Variants in RIPOR2 observed in about 807,000 individuals in gnomAD.
RIPOR2 encodes the protein rho family-interacting cell polarization regulator 2.
RIPOR2 carries 39 observed loss-of-function variants against 114.5 expected under a neutral mutation model. That is an observed-to-expected ratio of 0.34 (90% CI 0.26 to 0.44). The LOEUF is 0.44. Among genes scored for constraint, RIPOR2 ranks in the 20% least tolerant of loss-of-function variants. RIPOR2 has a pLI of 1.00. For synonymous variants in RIPOR2, 445 were observed against 484.4 expected (o/e 0.92, Z 1.07); for missense variants, 1,007 against 1,255.1 (o/e 0.80, Z 2.99).
At chr6:24,899,834 G>C (rs1768237773) in intron 1 of RIPOR2, among the ~76,000 whole-genome samples, 1 of 152,168 alleles carries the variant, frequency 6.6e-6, no homozygotes, top group African/African-American at 2.4e-5. Context: ...GTTTGCAAGA[G>C]GAAGGAGAAG....
At chr6:25,009,413 C>T (rs551323334) in intron 1 of RIPOR2, among the ~76,000 whole-genome samples, 1 of 152,300 alleles carries the variant, frequency 6.6e-6, no homozygotes, top group African/African-American at 2.4e-5. Flanking sequence ...CCTTAGAAAT[C>T]GTCTTACCAT....
rs1775573162 is a variant in RIPOR2 at position 25,006,624 on chromosome 6, A to T, written c.76+35227T>A. ...CCCCTGTGTCCTCCAGGCACAGGTG[A>T]GTCACTGAGCTGGGAGGTGGCTCTG... On this transcript the variant is annotated intron_variant, in intron 1 of 13. Coordinates refer to the RIPOR2 transcript ENST00000510784. 2.0e-5 allele frequency among the ~76,000 whole-genome samples: 3 copies of T among 152,294 alleles called. 1 individual carries two copies. In the South Asian group the frequency reaches 6.2e-4, roughly 32 times the overall value.
intron 2 of RIPOR2, 101 bp from the exon 3 acceptor site, chr6:24,873,900 G>T: frequency 1.0e-6 from 1 of 986,948 alleles, no homozygotes. Flanking sequence ...TAGAGACAAA[G>T]TCTTCTTCTG....
intron 1 of RIPOR2, among the ~76,000 whole-genome samples, chr6:25,031,736 T>TAGA (rs1776972986): frequency 4.3e-5 from 4 of 92,062 alleles, no homozygotes; most frequent in African/African-American, 8.8e-5. Flanking sequence ...TATATATATA[T>TAGA]ATATATATAT....
chr6:24,847,492 C>A (rs1762429529), intron 12 of RIPOR2: 5 of 1,530,640 alleles, frequency 3.3e-6, no homozygotes, highest in Non-Finnish European at 4.4e-6. Context: ...GTCACACATG[C>A]CACAAGCCCC....
rs1217563659 is a variant in RIPOR2, at chr6:25,037,827, G to C, written c.76+4024C>G. On this transcript the variant is annotated intron_variant, in intron 1 of 13. Transcript: ENST00000510784. This position sits in a 1 kb window ranked among gnomAD's most constrained non-coding sequence, Gnocchi z 4.5. The stretch of plus-strand genomic sequence containing the variant: ...GGTTATTGAGTAGATGAGGTACCAG[G>C]TATTTTACTAAGGGTTACAGGCATG... Among the ~76,000 whole-genome samples, 6 of 152,074 alleles carry C rather than the reference G, an allele frequency of 3.9e-5. No individual in the cohort carries two copies. In the East Asian group the frequency reaches 9.6e-4, roughly 24 times the overall value.
intron 1 of RIPOR2, among the ~76,000 whole-genome samples, chr6:24,959,386 T>C (rs963210688): frequency 1.3e-5 from 2 of 151,982 alleles, no homozygotes; most frequent in African/African-American, 4.8e-5. Context: ...GTGATGTCCA[T>C]GACAGGTCCT....
chr6:24,945,621 G>A (rs1772366360), intron 1 of RIPOR2, among the ~76,000 whole-genome samples: 2 of 152,176 alleles, frequency 1.3e-5, no homozygotes. Flanking sequence ...AGGGGAATGA[G>A]TAGAGTGATA....
At chr6:24,878,677 TG>T (rs1358853132) in intron 1 of RIPOR2, among the ~76,000 whole-genome samples, 3 of 152,148 alleles carry the variant, frequency 2.0e-5, no homozygotes, top group Admixed American at 1.3e-4. Flanking sequence ...CACCTGGGTA[TG>T]GGGAGGGTTG....
intron 4 of RIPOR2, among the ~76,000 whole-genome samples, chr6:24,871,872 C>T (rs6918387): frequency 1.3e-5 from 2 of 152,238 alleles, no homozygotes; most frequent in East Asian, 1.9e-4. Flanking sequence ...GATGGTCAAG[C>T]GCATTCACCA....
rs937357624 is a variant in RIPOR2 at position 24,941,076 on chromosome 6, C to T, written c.77-65259G>A. Among the ~76,000 whole-genome samples, 4 of 152,130 alleles carry T rather than the reference C, an allele frequency of 2.6e-5. No individual in the cohort carries two copies. In the East Asian group the frequency reaches 5.8e-4, roughly 22 times the overall value. On this transcript the variant is annotated intron_variant, in intron 1 of 13. Transcript: ENST00000510784. ...CCCTCCCAGAGCCTTTAGAAGTCTT[C>T]CTGCCTGCCTCCCCCAGTTTCAGGC...
At chr6:25,020,321 T>C in intron 1 of RIPOR2, among the ~76,000 whole-genome samples, 1 of 152,206 alleles carries the variant, frequency 6.6e-6, no homozygotes, top group Middle Eastern at 3.2e-3. Flanking sequence ...AGTTAGAGAA[T>C]GAAAACAGAA....
intron 19 of RIPOR2, among the ~76,000 whole-genome samples, chr6:24,819,480 A>C (rs886593024): frequency 1.2e-4 from 18 of 151,922 alleles, no homozygotes; most frequent in African/African-American, 4.3e-4. Flanking sequence ...TGGCAAATGA[A>C]TGCTCTGTTT....
At chr6:25,026,042 G>GTTTTTTTTT (rs201831119) in intron 1 of RIPOR2, among the ~76,000 whole-genome samples, 3 of 146,926 alleles carry the variant, frequency 2.0e-5, no homozygotes, top group Non-Finnish European at 1.5e-5. Context: ...TACAAAGATT[G>GTTTTTTTTT]TTGTTTTTTT....
At chr6:24,919,421 C>A (rs1409566025) in intron 1 of RIPOR2, among the ~76,000 whole-genome samples, 3 of 152,186 alleles carry the variant, frequency 2.0e-5, no homozygotes. Flanking sequence ...TTAAGCAAAT[C>A]TCCAAAGAAA....
At chr6:24,955,669 T>G (rs1451032038) in intron 1 of RIPOR2, among the ~76,000 whole-genome samples, 1 of 149,342 alleles carries the variant, frequency 6.7e-6, no homozygotes. Context: ...ACCTATCTCT[T>G]ACTCCGTCTA....
chr6:24,847,963 T>C (rs1762481546), intron 12 of RIPOR2, 62 bp downstream of exon 12: 1 of 1,604,450 alleles, frequency 6.2e-7, no homozygotes, highest in Admixed American at 1.7e-5. Context: ...GCATTTCAAA[T>C]GCTGGGTGCA....
intron 1 of RIPOR2, among the ~76,000 whole-genome samples, chr6:25,011,694 T>G (rs1363408020): frequency 6.6e-6 from 1 of 152,214 alleles, no homozygotes; most frequent in African/African-American, 2.4e-5. Context: ...AAAAATTGAC[T>G]GCATGGCCCT....
intron 1 of RIPOR2, among the ~76,000 whole-genome samples, chr6:24,908,368 C>T (rs2114051938): frequency 6.6e-6 from 1 of 152,290 alleles, no homozygotes; most frequent in South Asian, 2.1e-4. Context: ...ACCCTTCAAC[C>T]CAAGGGACTA....
Sources: allele counts gnomAD v4.1 joint callset (sites outside exome capture counted in the v4.1 genomes callset), GRCh38; gene constraint gnomAD v4.1.1; non-coding constraint Gnocchi (gnomAD v3.1); transcripts MANE v1.5; gene names NCBI Gene and HGNC (gene_info 2026-07-23, HGNC 2026-07-21).